The following WDR3 variants were observed in gnomAD, a reference collection of about 807,000 sequenced individuals.
WDR3 encodes WD repeat domain 3.
In WDR3, 81 loss-of-function variants were observed where a neutral mutation model predicts 123.7. That is an observed-to-expected ratio of 0.65 (90% CI 0.55 to 0.79). The LOEUF (loss-of-function observed/expected upper bound fraction) is 0.79. Among genes scored for constraint, WDR3 ranks in the 30% least tolerant of loss-of-function variants. WDR3 has a pLI of 0.00. For synonymous variants in WDR3, 390 were observed against 388.8 expected, an observed-to-expected ratio of 1.00 and a Z score of -0.04; for missense variants, 1,027 against 1,123.2, an observed-to-expected ratio of 0.91 and a Z score of 1.22.
In WDR3 at chr1:117,946,155, TAGAC is replaced by T; in HGVS notation, c.1401_1404del (p.Gln468Ter). On this transcript the variant is annotated frameshift_variant, in exon 12 of 27. Transcript: ENST00000349139. LOFTEE classifies it high-confidence loss of function. ...TTTGCTCATTCTTTGTACCTGGTGA[TAGAC>T]AGGTAGTCATAGGAACAAAGGTAAA... 6.2e-7 allele frequency: 1 copy of T among 1,612,260 alleles called. No individual in the cohort carries two copies. Among genetic ancestry groups the T allele is most frequent in the Non-Finnish European group, 8.5e-7 (1 of 1,178,822 alleles).
chr1:117,943,720 C>T, intron 11 of WDR3, 94 bp downstream of exon 11: 2 of 1,059,082 alleles, frequency 1.9e-6, no homozygotes, highest in Non-Finnish European at 1.3e-6. Context: ...CTCCTTAAGG[C>T]CCTAAATACA....
intron 24 of WDR3, among the ~76,000 whole-genome samples, chr1:117,956,584 TAA>T (rs1438421827): frequency 6.6e-6 from 1 of 152,216 alleles, no homozygotes; most frequent in Non-Finnish European, 1.5e-5. Context: ...GATATCCTCT[TAA>T]GATTTTAAAT....
Position 117,955,347 on chromosome 1 carries a change from G to C in WDR3, c.2442G>C (p.Gly814=), listed in dbSNP as rs148919618. The change falls in exon 24 of 27, where the codon GGG becomes GGC. Residue 814 remains glycine, a synonymous_variant. Coordinates refer to ENST00000349139, the MANE Select transcript of WDR3 (RefSeq NM_006784.3). ...CTTATGTATTAGAGATTTTTAAAGGGATCAAGTCGAGGTGAGTGAGTCCTT... is the reference window on the plus strand; with the variant it reads ...CTTATGTATTAGAGATTTTTAAAGGCATCAAGTCGAGGTGAGTGAGTCCTT... The part of the protein sequence containing the change: ...PSAYVLEIFK[G]IKSSELEESL... The C allele has an allele frequency of 3.1e-6, 5 of 1,612,042 alleles. No homozygotes were observed. In the African/African-American group the frequency reaches 6.7e-5, roughly 22 times the overall value.
In WDR3 at chr1:117,962,923, G is replaced by A. The variant is rs1191773962; in HGVS notation, c.*3476G>A. The A allele has an allele frequency of 6.6e-6, 1 of 152,246 alleles. No homozygotes were observed. Among genetic ancestry groups the A allele is most frequent in the Non-Finnish European group, 1.5e-5 (1 of 68,050 alleles). 9.4% of individuals were successfully genotyped at this position (152,246 alleles called of 1,614,324 possible). On this transcript the variant is annotated 3_prime_UTR_variant, in exon 27 of 27. Transcript: ENST00000349139. Reference sequence around the variant, plus strand: ...CAGAAAGAGAGGGAGGTTGTGAGCAGAAGCTTAATGAAGAAACCACATTGG... The same window carrying A: ...CAGAAAGAGAGGGAGGTTGTGAGCAAAAGCTTAATGAAGAAACCACATTGG...
In WDR3 at chr1:117,952,799, T is replaced by C. The variant is rs1056565357; in HGVS notation, c.2151+137T>C. ...CCTTCAGGAGATCTTTTCAAGACCA[T>C]TGTCACCCATTTCAGAAGCTAGGCA... On this transcript the variant is annotated intron_variant, in intron 19 of 26. Transcript: ENST00000349139. 37 of 1,433,126 alleles carry C rather than the reference T, an allele frequency of 2.6e-5. No individual in the cohort carries two copies. The South Asian group carries it at 4.4e-4, about 17-fold the overall frequency. 88.8% of individuals were successfully genotyped at this position (1,433,126 alleles called of 1,614,324 possible).
intron 21 of WDR3, 127 bp from the exon 22 acceptor site, chr1:117,953,880 C>G (rs2273581): frequency 0.034 from 25,924 of 770,682 alleles, 1,467 homozygotes; most frequent in African/African-American, 0.17. Flanking sequence ...GCACTCTATT[C>G]GCACGTCTTT....
chr1:117,943,403 G>T lies in WDR3; in HGVS notation c.1105G>T (p.Asp369Tyr). Reference sequence around the variant, plus strand: ...GATTATTTTCTTGTACAGGTCCTTTGACTTGATTCATTCACCTCACGGAGA... The same window carrying T: ...GATTATTTTCTTGTACAGGTCCTTTTACTTGATTCATTCACCTCACGGAGA... The part of the protein sequence containing the change: ...IKTSAKIKSF[D>Y]LIHSPHGELK... Residue 369 changes from aspartate (D) to tyrosine (Y), a missense_variant, in exon 11 of 27, where the codon GAC (aspartate) becomes TAC (tyrosine). Coordinates refer to ENST00000349139, the MANE Select transcript of WDR3 (RefSeq NM_006784.3). The T allele has an allele frequency of 6.2e-7, 1 of 1,613,464 alleles. No individual in the cohort carries two copies. The highest frequency in any genetic ancestry group is 1.1e-5 in the South Asian group (1 of 90,948).
intron 24 of WDR3, among the ~76,000 whole-genome samples, chr1:117,955,665 C>A: frequency 6.6e-6 from 1 of 151,352 alleles, no homozygotes; most frequent in Non-Finnish European, 1.5e-5. Context: ...ATTTTGGCTT[C>A]TTTTCTATGT....
chr1:117,952,758 T>G, intron 19 of WDR3, 96 bp downstream of exon 19: 1 of 1,505,364 alleles, frequency 6.6e-7, no homozygotes, highest in Non-Finnish European at 9.0e-7. Flanking sequence ...ACCTGATGCA[T>G]TGCCAAGTCC....
chr1:117,932,385 C>T (rs1052961686), intron 1 of WDR3, among the ~76,000 whole-genome samples: 1 of 152,190 alleles, frequency 6.6e-6, no homozygotes, highest in Non-Finnish European at 1.5e-5. Flanking sequence ...ATGAAAAATT[C>T]TAGGCCCTAC....
Position 117,957,149 on chromosome 1 carries a change from G to A in WDR3, c.2535G>A (p.Leu845=), listed in dbSNP as rs534695007. 1.9e-6 allele frequency: 3 copies of A among 1,612,270 alleles called. No homozygotes were observed. The East Asian group carries it at 6.7e-5, about 36-fold the overall frequency. ...ILKLFNEFIQ[L]GSDVELICRC... ...AACTCTTTAACGAATTCATTCAGCTGGGCTCTGATGTTGAACTTATATGCC... is the reference window on the plus strand; with the variant it reads ...AACTCTTTAACGAATTCATTCAGCTAGGCTCTGATGTTGAACTTATATGCC... The change falls in exon 25 of 27, where the codon CTG becomes CTA. Residue 845 remains leucine, a synonymous_variant. Coordinates refer to ENST00000349139, the MANE Select transcript of WDR3 (RefSeq NM_006784.3).
intron 24 of WDR3, among the ~76,000 whole-genome samples, chr1:117,955,629 A>C (rs920348674): frequency 6.6e-6 from 1 of 152,152 alleles, no homozygotes; most frequent in African/African-American, 2.4e-5. Context: ...ATTCAATTAG[A>C]AGCACCAATT....
Position 117,964,310 on chromosome 1 carries a change from A to G in WDR3, c.*4863A>G, listed in dbSNP as rs1653526753. 1 of 156,634 alleles carries G rather than the reference A, an allele frequency of 6.4e-6. No individual in the cohort carries two copies. The highest frequency in any genetic ancestry group is 2.4e-5 in the African/African-American group (1 of 41,092). The allele number at this position is 156,634 out of a possible 1,614,324, so 9.7% of individuals were successfully genotyped here. A position where few individuals can be genotyped will look rare whatever the true frequency, so the allele number is the denominator to read the frequency against. ...TGTAAGTAAGTAGATAAAAGATCTG[A>G]TAAGATTTTTTGCCCTTTATCTGTG... On this transcript the variant is annotated 3_prime_UTR_variant, in exon 27 of 27. Transcript: ENST00000349139.
At chr1:117,940,122 CA>C (rs1360943460) in intron 6 of WDR3, among the ~76,000 whole-genome samples, 2 of 152,118 alleles carry the variant, frequency 1.3e-5, no homozygotes, top group Admixed American at 1.3e-4. Flanking sequence ...GATGCTTTTG[CA>C]ATTCCTAATG....
At position 117,936,750 on chromosome 1, in the gene WDR3, T is replaced by C. The variant is rs1191798852; in HGVS notation, c.382-19T>C. On this transcript the variant is annotated intron_variant, in intron 3 of 26. Coordinates refer to ENST00000349139, the MANE Select transcript of WDR3 (RefSeq NM_006784.3). ...GGTAAAGAAAATTATTTTTCATCTGTATTATTTGATCCCTTTAGGACACAG... is the reference window on the plus strand; with the variant it reads ...GGTAAAGAAAATTATTTTTCATCTGCATTATTTGATCCCTTTAGGACACAG... 2 of 1,566,164 alleles carry C rather than the reference T, an allele frequency of 1.3e-6. No homozygotes were observed. Among genetic ancestry groups the C allele is most frequent in the East Asian group, 4.5e-5 (2 of 44,334 alleles).
chr1:117,956,076 T>G (rs1652154032), intron 24 of WDR3, among the ~76,000 whole-genome samples: 1 of 152,178 alleles, frequency 6.6e-6, no homozygotes, highest in Admixed American at 6.5e-5. Context: ...TCATTTCTTT[T>G]GACTATTAAT....
At chr1:117,942,834 A>G (rs1651219523) in intron 10 of WDR3, among the ~76,000 whole-genome samples, 1 of 151,732 alleles carries the variant, frequency 6.6e-6, no homozygotes, top group African/African-American at 2.4e-5. Context: ...AAGGTCACTT[A>G]TAAAGAATAC....
Position 117,942,471 on chromosome 1 carries a change from G to A in WDR3, c.1024G>A (p.Glu342Lys), listed in dbSNP as rs1260731593. The change falls in exon 10 of 27, where the codon GAG (glutamate) becomes AAG (lysine). Residue 342 changes from glutamate (E) to lysine (K), a missense_variant. Glu to Lys is a moderately conservative substitution (Grantham distance 56). Coordinates refer to ENST00000349139, the MANE Select transcript of WDR3 (RefSeq NM_006784.3). ...HSSKGEEEDP[E>K]VNVEMSLQDE... ...TAGCAAAGGAGAGGAGGAAGATCCTGAGGTTAATGTTGAAATGAGTCTGCA... is the reference window on the plus strand; with the variant it reads ...TAGCAAAGGAGAGGAGGAAGATCCTAAGGTTAATGTTGAAATGAGTCTGCA... 1 of 1,613,922 alleles carries A rather than the reference G, an allele frequency of 6.2e-7. No homozygotes were observed. The highest frequency in any genetic ancestry group is 8.5e-7 in the Non-Finnish European group (1 of 1,179,960).
chr1:117,952,717 C>T, intron 19 of WDR3, 55 bp downstream of exon 19: 1 of 1,588,554 alleles, frequency 6.3e-7, no homozygotes, highest in Non-Finnish European at 8.6e-7. Context: ...ACAGGCTGTC[C>T]TAGTTGAAGT....
Sources: gnomAD v4.1 joint callset for allele counts (sites outside exome capture counted in the v4.1 genomes callset) on GRCh38, gnomAD v4.1.1 for gene constraint, MANE v1.5 for transcripts, NCBI Gene and HGNC (gene_info 2026-07-23, HGNC 2026-07-21) for gene names.